Variants in MLPH observed in about 807,000 individuals in gnomAD.
MLPH encodes the protein exophilin-3.
MLPH carries 51 observed loss-of-function variants against 72.1 expected under a neutral mutation model. The observed-to-expected ratio is 0.71, with a 90% CI of 0.56 to 0.89. The LOEUF (loss-of-function observed/expected upper bound fraction) is 0.89. MLPH is among the 40% of genes least tolerant of loss of function. The pLI is 0.00. For missense variants in MLPH, 743 were observed against 759.9 expected (o/e 0.98, Z 0.26); for synonymous variants, 301 against 310.1 (o/e 0.97, Z 0.31).
Position 237,525,603 on chromosome 2 carries a change from C to T in MLPH, c.678C>T (p.Ser226=), listed in dbSNP as rs1009223619. 1 of 1,614,098 alleles carries T rather than the reference C, an allele frequency of 6.2e-7. No individual in the cohort carries two copies. Among genetic ancestry groups the T allele is most frequent in the Non-Finnish European group, 8.5e-7 (1 of 1,180,002 alleles). The change falls in exon 7 of 16, where the codon TCC becomes TCT. Residue 226 remains serine (S), a splice_region_variant and synonymous_variant. Transcript: ENST00000264605. ...SVPEARDSPQ[S]LTDESCSEKA... is the part of the protein sequence containing the mutation. ...GGCTGACAGCCCCATGTGCTTAGTCCCTCACAGATGAGTCCTGCTCAGAGA... is the reference window on the plus strand; with the variant it reads ...GGCTGACAGCCCCATGTGCTTAGTCTCTCACAGATGAGTCCTGCTCAGAGA...
chr2:237,535,096 A>T (rs111321061), intron 9 of MLPH, among the ~76,000 whole-genome samples: 203 of 152,358 alleles, frequency 1.3e-3, no homozygotes, highest in African/African-American at 4.7e-3. Context: ...TATAATGAGC[A>T]GAAATGTATT....
chr2:237,519,305 G>A (rs187119214), intron 5 of MLPH, among the ~76,000 whole-genome samples: 21 of 152,152 alleles, frequency 1.4e-4, no homozygotes, highest in African/African-American at 4.3e-4. Context: ...AACTCTTTGC[G>A]GCTGCTGTGA....
intron 2 of MLPH, among the ~76,000 whole-genome samples, chr2:237,497,888 A>C (rs1202498109): frequency 6.6e-6 from 1 of 152,180 alleles, no homozygotes; most frequent in African/African-American, 2.4e-5. Context: ...TGAATCAGCA[A>C]GAGGCTGGAT....
At chr2:237,526,644 G>A (rs1015841406) in intron 7 of MLPH, among the ~76,000 whole-genome samples, 5 of 152,310 alleles carry the variant, frequency 3.3e-5, no homozygotes, top group South Asian at 2.1e-4. Context: ...GTCTGGGGGA[G>A]AGGCCATCGT....
intron 14 of MLPH, among the ~76,000 whole-genome samples, chr2:237,551,700 A>G (rs2081043730): frequency 6.6e-6 from 1 of 152,250 alleles, no homozygotes; most frequent in African/African-American, 2.4e-5. Context: ...CAAGGAAGCC[A>G]GGCATGGTGG....
chr2:237,531,881 A>G (rs1485796801), intron 8 of MLPH, among the ~76,000 whole-genome samples: 3 of 152,006 alleles, frequency 2.0e-5, no homozygotes, highest in Admixed American at 1.3e-4. Context: ...CTTATCTCCA[A>G]TCCTGTTTGG....
At chr2:237,518,512 G>A (rs758862645) in intron 4 of MLPH, 27 bp from the exon 5 acceptor site, 3 of 1,580,620 alleles carry the variant, frequency 1.9e-6, no homozygotes, top group African/African-American at 1.3e-5. Flanking sequence ...TTGTCCTTGG[G>A]TGGAGTCATG....
chr2:237,486,897 TAGA>T (rs574695403), upstream of MLPH, among the ~76,000 whole-genome samples: 1 of 152,226 alleles, frequency 6.6e-6, no homozygotes, highest in South Asian at 2.1e-4. Flanking sequence ...CCTGCAGAGT[TAGA>T]AATTTCGACG....
At chr2:237,504,164 C>T (rs921747413) in intron 2 of MLPH, among the ~76,000 whole-genome samples, 1 of 152,318 alleles carries the variant, frequency 6.6e-6, no homozygotes, top group Middle Eastern at 3.4e-3. Context: ...AACTTCTGCC[C>T]TCCAGAGCTG....
intron 5 of MLPH, among the ~76,000 whole-genome samples, chr2:237,519,310 CTG>C (rs2080125128): frequency 6.6e-6 from 1 of 152,110 alleles, no homozygotes; most frequent in Admixed American, 6.5e-5. Flanking sequence ...TTTGCGGCTG[CTG>C]TGAGGGGAAC....
chr2:237,553,609 G>A lies in MLPH; in HGVS notation c.*17G>A. On this transcript the variant is annotated 3_prime_UTR_variant, in exon 16 of 16. Transcript: ENST00000264605. ...CAGTCCTAACGGGACAGGACAGAGAGACAGAGCAGCCCTGCACTGTTTTCC... is the reference window on the plus strand; with the variant it reads ...CAGTCCTAACGGGACAGGACAGAGAAACAGAGCAGCCCTGCACTGTTTTCC... The A allele has an allele frequency of 6.2e-7, 1 of 1,614,244 alleles. No individual in the cohort carries two copies. The highest frequency in any genetic ancestry group is 8.5e-7 in the Non-Finnish European group (1 of 1,180,044).
chr2:237,515,416 G>A (rs1393009879), intron 4 of MLPH, among the ~76,000 whole-genome samples: 2 of 152,180 alleles, frequency 1.3e-5, no homozygotes, highest in Non-Finnish European at 2.9e-5. Context: ...CCAGTGAATA[G>A]GGACACTTGT....
chr2:237,549,625 G>A (rs1177766129), intron 14 of MLPH, among the ~76,000 whole-genome samples: 1 of 152,150 alleles, frequency 6.6e-6, no homozygotes, highest in Non-Finnish European at 1.5e-5. Flanking sequence ...TGAAGGCTTG[G>A]TGGTGACAAG....
chr2:237,509,123 A>G (rs983260389), intron 2 of MLPH, among the ~76,000 whole-genome samples: 3 of 152,142 alleles, frequency 2.0e-5, no homozygotes, highest in East Asian at 1.9e-4. Context: ...GGTCTCCCCA[A>G]ATGGAGTCTT....
chr2:237,541,141 C>T lies in MLPH; in HGVS notation c.1446+184C>T, dbSNP rs1244276598. On this transcript the variant is annotated intron_variant, in intron 11 of 15. Transcript: ENST00000264605. This position sits in a 1 kb window ranked among gnomAD's most constrained non-coding sequence, Gnocchi z 5.1. ...GGGTTTCTGGGGGACTCACCTAATT[C>T]GCCACCCCCTGAGCCCTCCACCCCT... Among the ~76,000 whole-genome samples the T allele has an allele frequency of 1.3e-5, 2 of 152,224 alleles. No individual in the cohort carries two copies. Among genetic ancestry groups the T allele is most frequent in the African/African-American group, 2.4e-5 (1 of 41,460 alleles).
chr2:237,497,854 C>G (rs1174047789), intron 2 of MLPH, among the ~76,000 whole-genome samples: 1 of 152,182 alleles, frequency 6.6e-6, no homozygotes, highest in Non-Finnish European at 1.5e-5. Flanking sequence ...CATGTCTGCT[C>G]CCGGTCACCG....
intron 2 of MLPH, among the ~76,000 whole-genome samples, chr2:237,508,189 G>A (rs938825937): frequency 6.6e-6 from 1 of 152,076 alleles, no homozygotes; most frequent in South Asian, 2.1e-4. Flanking sequence ...TCGGCTCACT[G>A]CAACCTCTGC....
intron 4 of MLPH, among the ~76,000 whole-genome samples, chr2:237,517,828 A>C (rs2080083676): frequency 6.9e-6 from 1 of 144,328 alleles, no homozygotes; most frequent in Non-Finnish European, 1.5e-5. Context: ...TGGGTAGATG[A>C]ATGAAGGAGA....
At chr2:237,488,818 G>A (rs73098863) in intron 1 of MLPH, among the ~76,000 whole-genome samples, 4,114 of 152,304 alleles carry the variant, frequency 0.027, 75 homozygotes, top group African/African-American at 0.051. Flanking sequence ...TGGGAAAAGT[G>A]AAATTGGTGC....
Sources: allele counts gnomAD v4.1 joint callset (sites outside exome capture counted in the v4.1 genomes callset), GRCh38; gene constraint gnomAD v4.1.1; non-coding constraint Gnocchi (gnomAD v3.1); transcripts MANE v1.5; gene names NCBI Gene and HGNC (gene_info 2026-07-23, HGNC 2026-07-21).